NIPBL: variants seen among roughly 807,000 people sequenced by gnomAD.
NIPBL encodes nipped-B-like protein.
A neutral mutation model predicts 321.8 loss-of-function variants in NIPBL; 19 were observed. The observed-to-expected ratio is 0.06, with a 90% CI of 0.04 to 0.09. The LOEUF is 0.09. Among genes scored for constraint, NIPBL ranks in the 10% least tolerant of loss-of-function variants. The pLI is 1.00. For synonymous variants in NIPBL, 1,106 were observed against 1,114.1 expected (o/e 0.99, Z 0.14); for missense variants, 2,210 against 3,327.0 (o/e 0.66, Z 8.26).
intron 6 of NIPBL, among the ~76,000 whole-genome samples, chr5:36,964,413 A>G (rs943053185): frequency 6.6e-6 from 1 of 152,160 alleles, no homozygotes; most frequent in African/African-American, 2.4e-5. Context: ...GACCAATCCC[A>G]GAATAGAGAA....
chr5:36,992,428 AT>A (rs1325249973), intron 10 of NIPBL, among the ~76,000 whole-genome samples: 1 of 152,226 alleles, frequency 6.6e-6, no homozygotes, highest in Non-Finnish European at 1.5e-5. Flanking sequence ...TTCAGGGGAA[AT>A]AACATAACCA....
chr5:36,946,733 A>G (rs1233430308), intron 1 of NIPBL, among the ~76,000 whole-genome samples: 1 of 152,120 alleles, frequency 6.6e-6, no homozygotes, highest in Non-Finnish European at 1.5e-5. Flanking sequence ...TTATAATCAC[A>G]CAAGGTGACA....
chr5:37,015,724 C>T lies in NIPBL; in HGVS notation c.4644-314C>T, dbSNP rs1748902604. 2.6e-5 allele frequency among the ~76,000 whole-genome samples: 4 copies of T among 151,810 alleles called. No individual in the cohort carries two copies. In the South Asian group the frequency reaches 8.3e-4, roughly 32 times the overall value. On this transcript the variant is annotated intron_variant, in intron 22 of 46. Coordinates refer to ENST00000282516, the MANE Select transcript of NIPBL (RefSeq NM_133433.4). ...CCAGCCTGGGTGACAGGGTGAGACTCCATCTCAAAAAAATAAAGAATTTAT... is the reference window on the plus strand; with the variant it reads ...CCAGCCTGGGTGACAGGGTGAGACTTCATCTCAAAAAAATAAAGAATTTAT...
At chr5:37,046,557 ATTG>A in intron 38 of NIPBL, among the ~76,000 whole-genome samples, 1 of 152,288 alleles carries the variant, frequency 6.6e-6, no homozygotes, top group African/African-American at 2.4e-5. Flanking sequence ...CATTTTTTTA[ATTG>A]TTCTTTTTCA....
At position 37,000,590 on chromosome 5, in the gene NIPBL, G is replaced by C. The variant is rs765270376; in HGVS notation, c.3502+20G>C. The stretch of plus-strand genomic sequence containing the variant: ...GTGAGGGTAATTCATCAGTGTCAAC[G>C]GATTTCTTACATAAACCAATTTAAA... On this transcript the variant is annotated intron_variant, in intron 12 of 46. Transcript: ENST00000282516. 6.2e-7 allele frequency: 1 copy of C among 1,609,994 alleles called. No homozygotes were observed. The highest frequency in any genetic ancestry group is 8.5e-7 in the Non-Finnish European group (1 of 1,176,874).
intron 1 of NIPBL, among the ~76,000 whole-genome samples, chr5:36,890,580 G>A (rs1277990113): frequency 1.3e-5 from 2 of 152,142 alleles, no homozygotes; most frequent in Admixed American, 6.5e-5. Flanking sequence ...TTCAAACGGT[G>A]TATATCATTT....
chr5:36,946,226 C>T (rs187335498), intron 1 of NIPBL, among the ~76,000 whole-genome samples: 35 of 152,048 alleles, frequency 2.3e-4, no homozygotes, highest in Non-Finnish European at 4.3e-4. Flanking sequence ...TAAGGTCTGA[C>T]CTTAGTTCTT....
intron 1 of NIPBL, among the ~76,000 whole-genome samples, chr5:36,913,991 A>G (rs1240808393): frequency 6.6e-6 from 1 of 152,222 alleles, no homozygotes; most frequent in East Asian, 1.9e-4. Flanking sequence ...TTGTCAGGAA[A>G]TAGATCTACT....
chr5:36,956,974 A>G (rs192559738), intron 3 of NIPBL, among the ~76,000 whole-genome samples: 10 of 151,992 alleles, frequency 6.6e-5, no homozygotes, highest in African/African-American at 1.9e-4. Flanking sequence ...GTTTTCACCA[A>G]ATATTTAAAG....
chr5:36,923,104 TACAA>T (rs887471637), intron 1 of NIPBL, among the ~76,000 whole-genome samples: 1 of 151,944 alleles, frequency 6.6e-6, no homozygotes, highest in Non-Finnish European at 1.5e-5. Context: ...CTGGCCAACA[TACAA>T]AATTACAAAA....
At chr5:36,991,328 T>C (rs1008915363) in intron 10 of NIPBL, among the ~76,000 whole-genome samples, 1 of 152,264 alleles carries the variant, frequency 6.6e-6, no homozygotes, top group Middle Eastern at 3.4e-3. Flanking sequence ...AATGTTGTTA[T>C]AGTAAAAGCT....
chr5:37,046,030 A>T (rs2149733546), intron 37 of NIPBL, 79 bp from the exon 38 acceptor site: 2 of 760,838 alleles, frequency 2.6e-6, no homozygotes, highest in East Asian at 5.0e-5. Context: ...CATTGTTTTA[A>T]GGTATTTTTT....
chr5:36,972,059 ATTTC>A lies in NIPBL; in HGVS notation c.868+19_868+22del. 6.6e-7 allele frequency: 1 copy of A among 1,524,892 alleles called. No homozygotes were observed. Among genetic ancestry groups the A allele is most frequent in the African/African-American group, 1.4e-5 (1 of 73,222 alleles). 94.5% of individuals were successfully genotyped at this position (1,524,892 alleles called of 1,614,324 possible). On this transcript the variant is annotated intron_variant, in intron 8 of 46. Coordinates refer to ENST00000282516, the MANE Select transcript of NIPBL (RefSeq NM_133433.4). ...TCCTAAAGGTACTACTGTAACTAAA[ATTTC>A]CTTCTGTATATTTTATATTTGAAGT...
At chr5:36,957,801 G>A (rs1159542633) in intron 3 of NIPBL, among the ~76,000 whole-genome samples, 2 of 152,036 alleles carry the variant, frequency 1.3e-5, no homozygotes, top group Non-Finnish European at 2.9e-5. Flanking sequence ...TGGCCAACAT[G>A]GTGAAACCCT....
intron 1 of NIPBL, among the ~76,000 whole-genome samples, chr5:36,914,114 GT>G (rs1172081787): frequency 6.6e-6 from 1 of 152,182 alleles, no homozygotes; most frequent in African/African-American, 2.4e-5. Flanking sequence ...GAGCTAGAAG[GT>G]CTTCTGTTGG....
At chr5:37,063,108 G>T in intron 45 of NIPBL, among the ~76,000 whole-genome samples, 1 of 152,122 alleles carries the variant, frequency 6.6e-6, no homozygotes, top group East Asian at 1.9e-4. Flanking sequence ...GGAGGCTGAG[G>T]TGGGCAGATC....
intron 32 of NIPBL, among the ~76,000 whole-genome samples, chr5:37,036,171 T>G (rs1751658944): frequency 6.6e-6 from 1 of 151,786 alleles, no homozygotes; most frequent in Non-Finnish European, 1.5e-5. Flanking sequence ...ATTACTGGTT[T>G]ATAAGATATT....
chr5:36,887,064 A>G (rs1745964984), intron 1 of NIPBL, among the ~76,000 whole-genome samples: 1 of 152,130 alleles, frequency 6.6e-6, no homozygotes, highest in South Asian at 2.1e-4. Flanking sequence ...CTTATTATTG[A>G]ACATTTTACT....
chr5:36,984,627 T>A (rs751461667), intron 9 of NIPBL, 49 bp from the exon 10 acceptor site: 7 of 1,514,582 alleles, frequency 4.6e-6, no homozygotes, highest in Non-Finnish European at 6.3e-6. Flanking sequence ...TTTAATAAGA[T>A]AAGAATACAT....
Sources: gnomAD v4.1 joint callset for allele counts (sites outside exome capture counted in the v4.1 genomes callset) on GRCh38, gnomAD v4.1.1 for gene constraint, MANE v1.5 for transcripts, NCBI Gene and HGNC (gene_info 2026-07-23, HGNC 2026-07-21) for gene names.